Variants in PRIM2 observed in about 807,000 individuals in gnomAD.
PRIM2 encodes the protein DNA primase subunit 2.
In PRIM2, 39 loss-of-function variants were observed where a neutral mutation model predicts 67.3. That is an observed-to-expected ratio of 0.58 (90% CI 0.45 to 0.76). The LOEUF (loss-of-function observed/expected upper bound fraction) is 0.76, where lower values mean the gene tolerates loss of function less well. Among genes scored for constraint, PRIM2 ranks in the 30% least tolerant of loss-of-function variants. The probability of loss-of-function intolerance (pLI) is 0.00; values close to 1 mark genes in which losing one functional copy is unlikely to be tolerated. For synonymous variants in PRIM2, 143 were observed against 198.7 expected, an observed-to-expected ratio of 0.72 and a Z score of 2.36; for missense variants, 398 against 598.7, an observed-to-expected ratio of 0.66 and a Z score of 3.50.
At chr6:57,606,516 T>A in intron 12 of PRIM2, 59 bp downstream of exon 12, 2 of 1,347,342 alleles carry the variant, frequency 1.5e-6, no homozygotes, top group Non-Finnish European at 2.1e-6. Context: ...GATCTCTCGG[T>A]TTTATTTAAT....
the PRIM2 span, among the ~76,000 whole-genome samples, chr6:57,276,930 T>G: frequency 7.2e-5 from 11 of 152,016 alleles, no homozygotes; most frequent in East Asian, 1.9e-3. Flanking sequence ...GTAAGATTTT[T>G]TTTTTGCGTG....
chr6:57,601,075 C>G lies in PRIM2; in HGVS notation c.1021-18C>G. 1 of 1,587,754 alleles carries G rather than the reference C, an allele frequency of 6.3e-7. No homozygotes were observed. Among genetic ancestry groups the G allele is most frequent in the Non-Finnish European group, 8.6e-7 (1 of 1,167,718 alleles). ...TTATTGGCTGACTTTGTCTCTTTTT[C>G]CATTTCCTCCCAATCAGTTTGATAA... is the stretch of plus-strand genomic sequence containing the variant. On this transcript the variant is annotated intron_variant, in intron 10 of 13. Coordinates refer to ENST00000615550, the MANE Select transcript of PRIM2 (RefSeq NM_000947.5).
rs759666690 is a variant in PRIM2 at position 57,318,557 on chromosome 6, T to G, written c.112T>G (p.Ser38Ala). The change falls in exon 2 of 14, where the codon TCT becomes GCT. Residue 38 changes from serine (S) to alanine (A), a missense_variant. This residue lies in a region of PRIM2 where 96 missense variants were observed against 98.3 expected (regional missense o/e 0.98). Coordinates refer to ENST00000615550, the MANE Select transcript of PRIM2 (RefSeq NM_000947.5). ...FYLQPPSENI[S>A]LIEFENLAID... ...CTTGCAGCCACCTTCTGAAAACATA[T>G]CTTTAATAGAATTTGAAAACTTGGC... 6 of 1,585,246 alleles carry G rather than the reference T, an allele frequency of 3.8e-6. No individual in the cohort carries two copies. The highest frequency in any genetic ancestry group is 1.8e-5 in the Admixed American group (1 of 55,462).
At chr6:57,287,913 T>C in the PRIM2 span, among the ~76,000 whole-genome samples, 16 of 152,008 alleles carry the variant, frequency 1.1e-4, no homozygotes, top group African/African-American at 3.9e-4. Context: ...TTCATCTCAT[T>C]GGGACTGGTT....
At position 57,415,061 on chromosome 6, in the gene PRIM2, A is replaced by G. The variant is rs1161115769; in HGVS notation, c.693+32893A>G. ...TAAGGCAGGATTTTTGATGTAAGTG[A>G]CTTATATACTCTTCTACTTGACATG... On this transcript the variant is annotated intron_variant, in intron 7 of 13. Transcript: ENST00000615550. Among the ~76,000 whole-genome samples, 8 of 152,256 alleles carry G rather than the reference A, an allele frequency of 5.3e-5. No homozygotes were observed. In the East Asian group the frequency reaches 1.5e-3, roughly 29 times the overall value.
chr6:57,352,271 C>A (rs9475865), intron 5 of PRIM2, among the ~76,000 whole-genome samples: 1 of 152,162 alleles, frequency 6.6e-6, no homozygotes, highest in Non-Finnish European at 1.5e-5. Flanking sequence ...GCCAGAGTCT[C>A]GCTCTGTTGC....
chr6:57,434,641 CTTGAT>C (rs1771952342), intron 7 of PRIM2, among the ~76,000 whole-genome samples: 1 of 151,258 alleles, frequency 6.6e-6, no homozygotes, highest in Admixed American at 6.6e-5. Flanking sequence ...CTTTTAATCT[CTTGAT>C]TTATTTTTTT....
chr6:57,477,503 A>G (rs1161839283), intron 7 of PRIM2, among the ~76,000 whole-genome samples: 7 of 152,248 alleles, frequency 4.6e-5, no homozygotes, highest in Non-Finnish European at 7.3e-5. Flanking sequence ...ACTTTTCACA[A>G]GAAACCAGAA....
intron 11 of PRIM2, among the ~76,000 whole-genome samples, chr6:57,602,430 G>A (rs1776487459): frequency 1.3e-5 from 2 of 152,252 alleles, no homozygotes; most frequent in South Asian, 4.2e-4. Context: ...GATTCTCAGG[G>A]TGCACCCTCA....
At chr6:57,307,620 G>A in the PRIM2 span, among the ~76,000 whole-genome samples, 2 of 152,086 alleles carry the variant, frequency 1.3e-5, no homozygotes, top group African/African-American at 4.8e-5. Flanking sequence ...ATTAATCAGG[G>A]CTTACTCGAA....
At chr6:57,289,745 C>T in the PRIM2 span, among the ~76,000 whole-genome samples, 1 of 152,054 alleles carries the variant, frequency 6.6e-6, no homozygotes, top group African/African-American at 2.4e-5. Context: ...CTTTACAGAC[C>T]AGCAAATGCT....
At chr6:57,306,081 T>C in the PRIM2 span, among the ~76,000 whole-genome samples, 8 of 152,330 alleles carry the variant, frequency 5.3e-5, no homozygotes, top group Non-Finnish European at 7.3e-5. Context: ...TCTATATCCA[T>C]AGATAGCACC....
the PRIM2 span, among the ~76,000 whole-genome samples, chr6:57,298,587 T>C: frequency 6.6e-6 from 1 of 151,888 alleles, no homozygotes; most frequent in South Asian, 2.1e-4. Context: ...GAGAGCAAAA[T>C]TTTAACAGCT....
intron 12 of PRIM2, among the ~76,000 whole-genome samples, chr6:57,618,504 C>T (rs1442582606): frequency 1.3e-5 from 2 of 152,146 alleles, no homozygotes; most frequent in South Asian, 4.1e-4. Context: ...CGGGAGACAC[C>T]CCAAATACTC....
At chr6:57,504,473 G>A (rs1774212713) in intron 7 of PRIM2, among the ~76,000 whole-genome samples, 1 of 152,176 alleles carries the variant, frequency 6.6e-6, no homozygotes, top group African/African-American at 2.4e-5. Flanking sequence ...GGTTAATTCA[G>A]TGTGCTAATA....
chr6:57,305,913 A>T, the PRIM2 span, among the ~76,000 whole-genome samples: 5 of 152,326 alleles, frequency 3.3e-5, no homozygotes, highest in African/African-American at 1.2e-4. Flanking sequence ...GTTCTGCCAA[A>T]AAGTTAATCT....
At chr6:57,271,264 T>C in the PRIM2 span, among the ~76,000 whole-genome samples, 1 of 152,164 alleles carries the variant, frequency 6.6e-6, no homozygotes, top group Non-Finnish European at 1.5e-5. Flanking sequence ...GTCCTGGACT[T>C]TTTTTGGTTG....
At position 57,347,063 on chromosome 6, in the gene PRIM2, G is replaced by A. The variant is rs4715662; in HGVS notation, c.459+21018G>A. 2.9e-3 allele frequency among the ~76,000 whole-genome samples: 441 copies of A among 152,144 alleles called. 2 individuals carry two copies. The highest frequency in any genetic ancestry group is 0.01 in the African/African-American group (422 of 41,486). ...TTTCAAATACCTTGTGCTGTACTTC[G>A]GCTATTGATACCTGCCTCCTGTCTG... On this transcript the variant is annotated intron_variant, in intron 5 of 13. Transcript: ENST00000615550.
At chr6:57,457,738 G>T (rs1329216638) in intron 7 of PRIM2, among the ~76,000 whole-genome samples, 6 of 152,210 alleles carry the variant, frequency 3.9e-5, no homozygotes, top group Admixed American at 1.3e-4. Flanking sequence ...CGCTTCCTGG[G>T]TGAGGCAATG....
Sources: allele counts gnomAD v4.1 joint callset (sites outside exome capture counted in the v4.1 genomes callset), GRCh38; gene constraint gnomAD v4.1.1; regional missense constraint gnomAD v4.1.1; transcripts MANE v1.5; gene names NCBI Gene and HGNC (gene_info 2026-07-23, HGNC 2026-07-21).